Variants in PDS5B observed in about 807,000 individuals in gnomAD.
The protein encoded by PDS5B is PDS5 cohesin associated factor B.
Under a neutral mutation model 184.1 loss-of-function variants are expected in PDS5B, and 51 were observed. The ratio of observed to expected loss-of-function variants is 0.28; its 90% confidence interval spans 0.22 to 0.35. The LOEUF (loss-of-function observed/expected upper bound fraction) is 0.35, where lower values mean the gene tolerates loss of function less well. Ranked by LOEUF, PDS5B falls within the 10% of genes least tolerant of loss-of-function variation. PDS5B has a pLI of 1.00. For synonymous variants in PDS5B, 566 were observed against 569.2 expected (o/e 0.99, Z 0.08); for missense variants, 1,180 against 1,723.3 (o/e 0.68, Z 5.58).
At chr13:32,719,931 C>T (rs1308129715) in intron 19 of PDS5B, among the ~76,000 whole-genome samples, 1 of 152,092 alleles carries the variant, frequency 6.6e-6, no homozygotes, top group African/African-American at 2.4e-5. Context: ...GCTGGGATTA[C>T]AGGCGTGTGC....
chr13:32,661,719 C>T (rs1292314976), intron 6 of PDS5B, among the ~76,000 whole-genome samples: 4 of 151,890 alleles, frequency 2.6e-5, no homozygotes, highest in African/African-American at 9.7e-5. Flanking sequence ...AATCCTTGTC[C>T]AGGCCCATCC....
At position 32,770,104 on chromosome 13, in the gene PDS5B, T is replaced by A. The variant is rs1441410273; in HGVS notation, c.3625-17T>A. 1 of 491,374 alleles carries A rather than the reference T, an allele frequency of 2.0e-6. No homozygotes were observed. Among genetic ancestry groups the A allele is most frequent in the Non-Finnish European group, 3.1e-6 (1 of 320,360 alleles). 30.4% of individuals were successfully genotyped at this position (491,374 alleles called of 1,614,324 possible). ...ACAATTTCATAACCATAAATTGTGA[T>A]TTTTTTTTTCCCCTAGTCTGAATTG... On this transcript the variant is annotated splice_polypyrimidine_tract_variant and intron_variant, in intron 31 of 34. Coordinates refer to ENST00000315596, the MANE Select transcript of PDS5B (RefSeq NM_015032.4).
chr13:32,711,236 C>T lies in PDS5B; in HGVS notation c.2123+1130C>T, dbSNP rs186745408. Among the ~76,000 whole-genome samples, 28 of 152,144 alleles carry T rather than the reference C, an allele frequency of 1.8e-4. No individual in the cohort carries two copies. In the East Asian group the frequency reaches 2.3e-3, roughly 13 times the overall value. ...CTGACCTCAGGTGATATCACCTGCC[C>T]GCCTCAGCCTCCCAAAGTGCTGGGA... On this transcript the variant is annotated intron_variant, in intron 19 of 34. Coordinates refer to ENST00000315596, the MANE Select transcript of PDS5B (RefSeq NM_015032.4).
In PDS5B at chr13:32,699,243, C is replaced by G. The variant is rs957408434; in HGVS notation, c.1601-487C>G. Among the ~76,000 whole-genome samples the G allele has an allele frequency of 3.3e-5, 5 of 152,246 alleles. No homozygotes were observed. In the South Asian group the frequency reaches 1.0e-3, roughly 32 times the overall value. On this transcript the variant is annotated intron_variant, in intron 15 of 34. Transcript: ENST00000315596. ...AGTAATGACTTACCCAGCAGTAACACCTGGATAGGTTGCTCAGTATATATC... is the reference window on the plus strand; with the variant it reads ...AGTAATGACTTACCCAGCAGTAACAGCTGGATAGGTTGCTCAGTATATATC...
chr13:32,632,262 A>C (rs1461164817), intron 1 of PDS5B, among the ~76,000 whole-genome samples: 2 of 152,208 alleles, frequency 1.3e-5, no homozygotes, highest in Non-Finnish European at 2.9e-5. Flanking sequence ...AAATATTTGC[A>C]AGTCATATCT....
chr13:32,761,999 C>T (rs1397947213), intron 30 of PDS5B, among the ~76,000 whole-genome samples: 1 of 152,126 alleles, frequency 6.6e-6, no homozygotes, highest in Non-Finnish European at 1.5e-5. Context: ...AATAGCCATT[C>T]TGACTGATGT....
chr13:32,633,705 T>C (rs559796311), intron 1 of PDS5B, among the ~76,000 whole-genome samples: 36 of 152,216 alleles, frequency 2.4e-4, no homozygotes, highest in Non-Finnish European at 4.6e-4. Flanking sequence ...TAATTTTTCT[T>C]ATAACCCCTC....
intron 16 of PDS5B, 89 bp downstream of exon 16, chr13:32,699,958 T>A (rs1304963861): frequency 8.2e-7 from 1 of 1,215,048 alleles, no homozygotes; most frequent in Admixed American, 3.2e-5. Context: ...ATATTCATTA[T>A]ATTAAATTTG....
chr13:32,586,577 G>C lies in PDS5B; in HGVS notation c.-36G>C, dbSNP rs909615679. 4 of 152,160 alleles carry C rather than the reference G, an allele frequency of 2.6e-5. No individual in the cohort carries two copies. The highest frequency in any genetic ancestry group is 9.7e-5 in the African/African-American group (4 of 41,296). 9.4% of individuals were successfully genotyped at this position (152,160 alleles called of 1,614,324 possible). ...AGAGCCCCGGAGTGAGCGGAGTAGC[G>C]AGTCGGCAACCCGGAGGTAGGAAAC... is the stretch of plus-strand genomic sequence containing the variant. On this transcript the variant is annotated 5_prime_UTR_variant, in exon 1 of 35. Transcript: ENST00000315596.
chr13:32,613,916 T>C (rs1223380967), intron 1 of PDS5B, among the ~76,000 whole-genome samples: 2 of 152,248 alleles, frequency 1.3e-5, no homozygotes, highest in East Asian at 3.8e-4. Context: ...TTTTTGTATA[T>C]GGTATGAAGT....
chr13:32,655,374 A>ATATATATATATATATTTT, intron 3 of PDS5B, among the ~76,000 whole-genome samples: 5 of 72,464 alleles, frequency 6.9e-5, no homozygotes, highest in African/African-American at 3.3e-4. Context: ...ATATATATAT[A>ATATATATATATATATTTT]TTTTTTTTTT....
At chr13:32,699,919 ATTGT>A (rs755260025) in intron 16 of PDS5B, 50 bp downstream of exon 16, 2 of 1,483,562 alleles carry the variant, frequency 1.3e-6, no homozygotes, top group South Asian at 1.5e-5. Context: ...AATCTTCTTT[ATTGT>A]TTCTCTCTTT....
At chr13:32,598,126 G>A (rs988248033) in intron 1 of PDS5B, among the ~76,000 whole-genome samples, 1 of 151,742 alleles carries the variant, frequency 6.6e-6, no homozygotes, top group African/African-American at 2.4e-5. Flanking sequence ...CCTAGGCTGG[G>A]GTGCAGTGGT....
rs115186060 is a variant in PDS5B at position 32,627,155 on chromosome 13, G to A, written c.-19-21599G>A. Among the ~76,000 whole-genome samples, 376 of 152,330 alleles carry A rather than the reference G, an allele frequency of 2.5e-3. 2 individuals are homozygous for A. Among genetic ancestry groups the A allele is most frequent in the African/African-American group, 8.5e-3 (355 of 41,572 alleles). ...TTACCTGGTGTCTGACAGATCTTGAGAATAGCTGTATTTTCCTTGAGAACT... is the reference window on the plus strand; with the variant it reads ...TTACCTGGTGTCTGACAGATCTTGAAAATAGCTGTATTTTCCTTGAGAACT... On this transcript the variant is annotated intron_variant, in intron 1 of 34. Transcript: ENST00000315596.
Position 32,758,234 on chromosome 13 carries a change from G to A in PDS5B, c.3189+15G>A, listed in dbSNP as rs746833761. 6.6e-7 allele frequency: 1 copy of A among 1,504,978 alleles called. No individual in the cohort carries two copies. Among genetic ancestry groups the A allele is most frequent in the Non-Finnish European group, 9.0e-7 (1 of 1,117,280 alleles). The allele number at this position is 1,504,978 out of a possible 1,614,324, so 93.2% of individuals were successfully genotyped here. On this transcript the variant is annotated intron_variant, in intron 27 of 34. Coordinates refer to ENST00000315596, the MANE Select transcript of PDS5B (RefSeq NM_015032.4). ...AAATGAATGAAGTATGTAATTCTTT[G>A]TAAATAATTATGGTTCCATATTGAT...
chr13:32,696,709 A>T, intron 14 of PDS5B, 145 bp from the exon 15 acceptor site: 1 of 623,728 alleles, frequency 1.6e-6, no homozygotes. Context: ...AGAGTTTAAT[A>T]AAAATAGATG....
At chr13:32,643,633 A>G (rs926700617) in intron 1 of PDS5B, among the ~76,000 whole-genome samples, 29 of 152,054 alleles carry the variant, frequency 1.9e-4, no homozygotes, top group African/African-American at 7.0e-4. Context: ...ATGTTTAGAT[A>G]CATTTAGATA....
At chr13:32,617,192 A>G (rs1218248865) in intron 1 of PDS5B, among the ~76,000 whole-genome samples, 3 of 152,314 alleles carry the variant, frequency 2.0e-5, no homozygotes, top group African/African-American at 7.2e-5. Context: ...AATCAGCTTA[A>G]ATCTGTTTTA....
intron 1 of PDS5B, among the ~76,000 whole-genome samples, chr13:32,621,293 G>T (rs960334910): frequency 2.0e-5 from 3 of 152,122 alleles, no homozygotes; most frequent in Non-Finnish European, 4.4e-5. Flanking sequence ...GCAAAATTTT[G>T]TCCCTACAAA....
Sources: gnomAD v4.1 joint callset for allele counts (sites outside exome capture counted in the v4.1 genomes callset) on GRCh38, gnomAD v4.1.1 for gene constraint, MANE v1.5 for transcripts, NCBI Gene and HGNC (gene_info 2026-07-23, HGNC 2026-07-21) for gene names.